The following MARS2 variants were observed in gnomAD, a reference collection of about 807,000 sequenced individuals.
The protein encoded by MARS2 is methionyl-tRNA synthetase 2, mitochondrial, also known as methionine--tRNA ligase, mitochondrial.
Under a neutral mutation model 43.8 loss-of-function variants are expected in MARS2, and 33 were observed. The ratio of observed to expected loss-of-function variants is 0.75; its 90% CI spans 0.57 to 1.01. The LOEUF (loss-of-function observed/expected upper bound fraction) is 1.01. MARS2 is among the 50% of genes least tolerant of loss of function. The pLI, the probability that MARS2 is intolerant of heterozygous loss-of-function variation, is 0.00. For missense variants in MARS2, 720 were observed against 763.0 expected, an observed-to-expected ratio of 0.94 and a Z score of 0.66; for synonymous variants, 351 against 325.5, an observed-to-expected ratio of 1.08 and a Z score of -0.84.
In MARS2 at chr2:197,705,566, T is replaced by C. The variant is rs1257370927; in HGVS notation, c.161T>C (p.Val54Ala). 6 of 1,613,342 alleles carry C rather than the reference T, an allele frequency of 3.7e-6. No homozygotes were observed. In the East Asian group the frequency reaches 8.9e-5, roughly 24 times the overall value. ...TACTTCACTACACCCATTTTCTACGTGAACGCGGCGCCGCACATCGGGCAC... is the reference window on the plus strand; with the variant it reads ...TACTTCACTACACCCATTTTCTACGCGAACGCGGCGCCGCACATCGGGCAC... ...RAYFTTPIFY[V>A]NAAPHIGHLY... The change falls in exon 1 of 1, where the codon GTG becomes GCG. Residue 54 changes from valine to alanine, a missense_variant. Physicochemically the swap from Val to Ala is moderately conservative, Grantham distance 64. Transcript: ENST00000282276.
rs377361507 is a variant in MARS2 at position 197,706,231 on chromosome 2, A to C, written c.826A>C (p.Ile276Leu). ...GGTGCCCGGGGATGATTCGCAGACC[A>C]TCTATGTATGGCTGGATGCCCTGGT... Reference protein sequence around the residue: ...IPVPGDDSQTIYVWLDALVNY... With the variant: ...IPVPGDDSQTLYVWLDALVNY... The change falls in exon 1 of 1, where the codon ATC (isoleucine) becomes CTC (leucine). Residue 276 changes from isoleucine (I) to leucine (L), a missense_variant. Physicochemically the swap from Ile to Leu is conservative, Grantham distance 5. Transcript: ENST00000282276. The C allele has an allele frequency of 5.8e-5, 94 of 1,614,228 alleles. No individual in the cohort carries two copies. Among genetic ancestry groups the C allele is most frequent in the Middle Eastern group, 3.3e-4 (2 of 6,060 alleles).
In MARS2 at chr2:197,705,377, G is replaced by A. The variant is rs1029902577; in HGVS notation, c.-29G>A. On this transcript the variant is annotated 5_prime_UTR_variant, in exon 1 of 1. Coordinates refer to ENST00000282276, the MANE Select transcript of MARS2 (RefSeq NM_138395.4). ...CTCTCACACGTGCTGTCAGAACGCC[G>A]CCTCCTCCGCTTGCGGCCGGTCTGC... 9.7e-6 allele frequency: 15 copies of A among 1,552,312 alleles called. No individual in the cohort carries two copies. Among genetic ancestry groups the A allele is most frequent in the Non-Finnish European group, 1.2e-5 (14 of 1,147,262 alleles).
Position 197,707,070 on chromosome 2 carries a change from T to C in MARS2, c.1665T>C (p.Pro555=), listed in dbSNP as rs2089482869. 5 of 1,614,124 alleles carry C rather than the reference T, an allele frequency of 3.1e-6. No homozygotes were observed. Among genetic ancestry groups the C allele is most frequent in the Non-Finnish European group, 4.2e-6 (5 of 1,180,018 alleles). ...GTCTTGGAGAGCTCTATTTCTTGCCTCGATTCTATGGACATCCATGCCCTT... is the reference window on the plus strand; with the variant it reads ...GTCTTGGAGAGCTCTATTTCTTGCCCCGATTCTATGGACATCCATGCCCTT... ...ERSLGELYFL[P]RFYGHPCPFE... Residue 555 remains proline (P), a synonymous_variant, in exon 1 of 1, where the codon CCT becomes CCC. Coordinates refer to ENST00000282276, the MANE Select transcript of MARS2 (RefSeq NM_138395.4).
rs755237435 is a variant in MARS2, at chr2:197,705,660, C to T, written c.255C>T (p.Ala85=). The T allele has an allele frequency of 1.2e-6, 2 of 1,611,384 alleles. No homozygotes were observed. Among genetic ancestry groups the T allele is most frequent in the African/African-American group, 2.7e-5 (2 of 74,954 alleles). The change falls in exon 1 of 1, where the codon GCC becomes GCT. Residue 85 remains alanine (A), a synonymous_variant. Coordinates refer to ENST00000282276, the MANE Select transcript of MARS2 (RefSeq NM_138395.4). ...GCCTCCGAGGTCCCAGCACGGCCGC[C>T]ACGCGATTCTCCACTGGTACCGACG... is the stretch of plus-strand genomic sequence containing the variant. ...HRRLRGPSTA[A]TRFSTGTDEH...
chr2:197,705,369 A>T lies in MARS2; in HGVS notation c.-37A>T. On this transcript the variant is annotated 5_prime_UTR_variant, in exon 1 of 1. Coordinates refer to ENST00000282276, the MANE Select transcript of MARS2 (RefSeq NM_138395.4). Reference sequence around the variant, plus strand: ...GCATGCGCCTCTCACACGTGCTGTCAGAACGCCGCCTCCTCCGCTTGCGGC... The same window carrying T: ...GCATGCGCCTCTCACACGTGCTGTCTGAACGCCGCCTCCTCCGCTTGCGGC... 1 of 1,540,868 alleles carries T rather than the reference A, an allele frequency of 6.5e-7. No individual in the cohort carries two copies. The highest frequency in any genetic ancestry group is 8.8e-7 in the Non-Finnish European group (1 of 1,141,354).
In MARS2 at chr2:197,706,633, T is replaced by G. The variant is rs775408919; in HGVS notation, c.1228T>G (p.Cys410Gly). 1.9e-6 allele frequency: 3 copies of G among 1,614,234 alleles called. No individual in the cohort carries two copies. The highest frequency in any genetic ancestry group is 2.2e-5 in the East Asian group (1 of 44,888). The part of the protein sequence containing the change: ...ADALGGLLNR[C>G]TAKRINPSET... Reference sequence around the variant, plus strand: ...TGCCTTGGGAGGTCTCTTGAACCGATGCACTGCCAAAAGAATAAATCCTTC... The same window carrying G: ...TGCCTTGGGAGGTCTCTTGAACCGAGGCACTGCCAAAAGAATAAATCCTTC... The change falls in exon 1 of 1, where the codon TGC becomes GGC. Residue 410 changes from cysteine to glycine, a missense_variant. Transcript: ENST00000282276.
Position 197,706,150 on chromosome 2 carries a change from G to C in MARS2, c.745G>C (p.Glu249Gln). 1 of 1,614,156 alleles carries C rather than the reference G, an allele frequency of 6.2e-7. No individual in the cohort carries two copies. Among genetic ancestry groups the C allele is most frequent in the Non-Finnish European group, 8.5e-7 (1 of 1,180,050 alleles). Residue 249 changes from glutamate (E) to glutamine (Q), a missense_variant, in exon 1 of 1, where the codon GAG becomes CAG. Physicochemically the swap from Glu to Gln is conservative, Grantham distance 29. Coordinates refer to ENST00000282276, the MANE Select transcript of MARS2 (RefSeq NM_138395.4). ...CGTAGTTCTTCAGTGGCTGGACGAG[G>C]AGCTGCCCGACCTGTCCGTGTCTCG... ...HHVVLQWLDE[E>Q]LPDLSVSRRS...
Position 197,707,072 on chromosome 2 carries a change from G to A in MARS2, c.1667G>A (p.Arg556Gln), listed in dbSNP as rs1264540616. 1 of 1,614,096 alleles carries A rather than the reference G, an allele frequency of 6.2e-7. No homozygotes were observed. Among genetic ancestry groups the A allele is most frequent in the Admixed American group, 1.7e-5 (1 of 60,020 alleles). Residue 556 changes from arginine to glutamine, a missense_variant, in exon 1 of 1, where the codon CGA becomes CAA. By Grantham distance (43) the Arg-to-Gln change is conservative (BLOSUM62 1). Coordinates refer to ENST00000282276, the MANE Select transcript of MARS2 (RefSeq NM_138395.4). ...CTTGGAGAGCTCTATTTCTTGCCTC[G>A]ATTCTATGGACATCCATGCCCTTTT... ...RSLGELYFLP[R>Q]FYGHPCPFEG... is the part of the protein sequence containing the mutation.
At position 197,705,387 on chromosome 2, in the gene MARS2, C is replaced by A; in HGVS notation, c.-19C>A. The A allele has an allele frequency of 1.3e-6, 2 of 1,564,000 alleles. No homozygotes were observed. The highest frequency in any genetic ancestry group is 8.7e-7 in the Non-Finnish European group (1 of 1,152,950). ...TGCTGTCAGAACGCCGCCTCCTCCG[C>A]TTGCGGCCGGTCTGCACCATGCTGC... On this transcript the variant is annotated 5_prime_UTR_variant, in exon 1 of 1. Transcript: ENST00000282276.
chr2:197,705,480 C>T lies in MARS2; in HGVS notation c.75C>T (p.Gly25=), dbSNP rs1413651656. ...ASRLSLLEDF[G]PRYYSSGSLS... is the part of the protein sequence containing the mutation. ...GGCTGTCTCTCCTGGAGGACTTCGG[C>T]CCACGCTACTACAGTTCGGGCTCCC... Residue 25 remains glycine, a synonymous_variant, in exon 1 of 1, where the codon GGC becomes GGT. Transcript: ENST00000282276. 4.3e-6 allele frequency: 7 copies of T among 1,612,958 alleles called. No homozygotes were observed. Among genetic ancestry groups the T allele is most frequent in the Non-Finnish European group, 5.9e-6 (7 of 1,179,982 alleles).
At position 197,706,325 on chromosome 2, in the gene MARS2, T is replaced by A; in HGVS notation, c.920T>A (p.Ile307Asn). 1 of 1,614,172 alleles carries A rather than the reference T, an allele frequency of 6.2e-7. No individual in the cohort carries two copies. The highest frequency in any genetic ancestry group is 8.5e-7 in the Non-Finnish European group (1 of 1,180,014). The stretch of plus-strand genomic sequence containing the variant: ...TCTTGGTGGCCGGCCACCTCTCATA[T>A]CATAGGTAAGGACATTCTCAAATTC... The part of the protein sequence containing the change: ...FKSWWPATSH[I>N]IGKDILKFHA... Residue 307 changes from isoleucine to asparagine, a missense_variant, in exon 1 of 1, where the codon ATC (isoleucine) becomes AAC (asparagine). Transcript: ENST00000282276.
Position 197,706,359 on chromosome 2 carries a change from C to T in MARS2, c.954C>T (p.Ile318=). 1 of 1,614,238 alleles carries T rather than the reference C, an allele frequency of 6.2e-7. No individual in the cohort carries two copies. ...AGGACATTCTCAAATTCCATGCCAT[C>T]TATTGGCCTGCCTTCCTGTTAGGGG... ...IGKDILKFHA[I]YWPAFLLGAG... Residue 318 remains isoleucine (I), a synonymous_variant, in exon 1 of 1, where the codon ATC becomes ATT. Transcript: ENST00000282276.
rs1211358999 is a variant in MARS2, at chr2:197,706,295, T to C, written c.890T>C (p.Phe297Ser). Reference protein sequence around the residue: ...LTVIGYPNAEFKSWWPATSHI... With the variant: ...LTVIGYPNAESKSWWPATSHI... ...GTAATTGGCTACCCAAATGCTGAGT[T>C]CAAATCTTGGTGGCCGGCCACCTCT... Residue 297 changes from phenylalanine to serine, a missense_variant, in exon 1 of 1, where the codon TTC becomes TCC. Transcript: ENST00000282276. The C allele has an allele frequency of 6.2e-7, 1 of 1,614,184 alleles. No individual in the cohort carries two copies. The highest frequency in any genetic ancestry group is 1.3e-5 in the African/African-American group (1 of 75,036).
rs925481163 is a variant in MARS2 at position 197,705,591 on chromosome 2, C to T, written c.186C>T (p.His62=). The T allele has an allele frequency of 7.4e-6, 12 of 1,613,104 alleles. No homozygotes were observed. Among genetic ancestry groups the T allele is most frequent in the Admixed American group, 5.0e-5 (3 of 60,000 alleles). Residue 62 remains histidine (H), a synonymous_variant, in exon 1 of 1, where the codon CAC becomes CAT. Coordinates refer to ENST00000282276, the MANE Select transcript of MARS2 (RefSeq NM_138395.4). ...TGAACGCGGCGCCGCACATCGGGCA[C>T]CTGTACTCGGCACTACTGGCGGACG... ...FYVNAAPHIG[H]LYSALLADAL...
In MARS2 at chr2:197,707,533, G is replaced by A. The variant is rs1301927310; in HGVS notation, c.*346G>A. The stretch of plus-strand genomic sequence containing the variant: ...CTGGTTTTTCATTGGCCTGGCCTCT[G>A]CTTCTCAGGCTAATTAGTGACTCCT... On this transcript the variant is annotated 3_prime_UTR_variant, in exon 1 of 1. Transcript: ENST00000282276. The A allele has an allele frequency of 4.4e-6, 1 of 225,372 alleles. No homozygotes were observed. Among genetic ancestry groups the A allele is most frequent in the Non-Finnish European group, 9.6e-6 (1 of 103,708 alleles). The allele number at this position is 225,372 out of a possible 1,614,324, so 14.0% of individuals were successfully genotyped here. A position where few individuals can be genotyped will look rare whatever the true frequency, so the allele number is the denominator to read the frequency against.
rs758973471 is a variant in MARS2, at chr2:197,705,588, G to T, written c.183G>T (p.Gly61=). ...IFYVNAAPHI[G]HLYSALLADA... is the part of the protein sequence containing the mutation. ...ACGTGAACGCGGCGCCGCACATCGGGCACCTGTACTCGGCACTACTGGCGG... is the reference window on the plus strand; with the variant it reads ...ACGTGAACGCGGCGCCGCACATCGGTCACCTGTACTCGGCACTACTGGCGG... Residue 61 remains glycine (G), a synonymous_variant, in exon 1 of 1, where the codon GGG becomes GGT. Transcript: ENST00000282276. 32 of 1,613,164 alleles carry T rather than the reference G, an allele frequency of 2.0e-5. No homozygotes were observed. Among genetic ancestry groups the T allele is most frequent in the Non-Finnish European group, 2.6e-5 (31 of 1,179,952 alleles).
In MARS2 at chr2:197,706,915, C is replaced by G; in HGVS notation, c.1510C>G (p.Pro504Ala). ...KLNWESPVDA[P>A]WLGTVLHVAL... ...GAACTGGGAGAGCCCAGTGGATGCT[C>G]CCTGGCTGGGTACTGTGCTTCATGT... is the stretch of plus-strand genomic sequence containing the variant. The change falls in exon 1 of 1, where the codon CCC becomes GCC. Residue 504 changes from proline to alanine, a missense_variant. Transcript: ENST00000282276. 1 of 1,614,168 alleles carries G rather than the reference C, an allele frequency of 6.2e-7. No individual in the cohort carries two copies. Among genetic ancestry groups the G allele is most frequent in the Non-Finnish European group, 8.5e-7 (1 of 1,180,032 alleles).
Position 197,707,105 on chromosome 2 carries a change from G to A in MARS2, c.1700G>A (p.Arg567Lys). ...FYGHPCPFEG[R>K]RLGPETGLLF... ...GGACATCCATGCCCTTTTGAAGGGA[G>A]GAGGCTGGGACCTGAAACTGGGCTT... The change falls in exon 1 of 1, where the codon AGG becomes AAG. Residue 567 changes from arginine to lysine, a missense_variant. Arg to Lys is a conservative substitution (Grantham distance 26). Transcript: ENST00000282276. The A allele has an allele frequency of 6.2e-7, 1 of 1,614,222 alleles. No homozygotes were observed. The highest frequency in any genetic ancestry group is 1.3e-5 in the African/African-American group (1 of 75,070).
rs1334115948 is a variant in MARS2, at chr2:197,706,173, T to G, written c.768T>G (p.Ser256=). The G allele has an allele frequency of 1.9e-6, 3 of 1,614,204 alleles. No individual in the cohort carries two copies. The highest frequency in any genetic ancestry group is 2.5e-6 in the Non-Finnish European group (3 of 1,180,036). ...AGGAGCTGCCCGACCTGTCCGTGTC[T>G]CGCAGAAGTAGCCACTTGCACTGGG... The part of the protein sequence containing the change: ...LDEELPDLSV[S]RRSSHLHWGI... Residue 256 remains serine (S), a synonymous_variant, in exon 1 of 1, where the codon TCT becomes TCG. Transcript: ENST00000282276.
Sources: gnomAD v4.1 joint callset for allele counts on GRCh38, gnomAD v4.1.1 for gene constraint, MANE v1.5 for transcripts, NCBI Gene and HGNC (gene_info 2026-07-23, HGNC 2026-07-21) for gene names.